Variants in COL6A3 observed in about 807,000 individuals in gnomAD.
COL6A3 encodes the protein collagen type VI alpha 3 chain.
In COL6A3, 137 loss-of-function variants were observed where a neutral mutation model predicts 274.1. The observed-to-expected ratio is 0.50, with a 90% confidence interval of 0.44 to 0.58. The LOEUF (loss-of-function observed/expected upper bound fraction) is 0.58, where lower values mean the gene tolerates loss of function less well. Ranked by LOEUF, COL6A3 falls within the 20% of genes least tolerant of loss-of-function variation. The pLI, the probability that COL6A3 is intolerant of heterozygous loss-of-function variation, is 0.00. For missense variants in COL6A3, 3,950 were observed against 4,124.9 expected (o/e 0.96, Z 1.16); for synonymous variants, 1,650 against 1,650.6 (o/e 1.00, Z 0.01).
intron 3 of COL6A3, among the ~76,000 whole-genome samples, chr2:237,393,127 A>G (rs1042980767): frequency 7.2e-5 from 11 of 152,134 alleles, no homozygotes; most frequent in Non-Finnish European, 1.0e-4. Context: ...GGATTTCCTT[A>G]CTGAGAAAAT....
intron 1 of COL6A3, among the ~76,000 whole-genome samples, chr2:237,401,915 G>A (rs1035332711): frequency 6.6e-6 from 1 of 151,994 alleles, no homozygotes; most frequent in African/African-American, 2.4e-5. Flanking sequence ...GAACTCCTGG[G>A]CTCAAGAGAT....
At chr2:237,380,433 G>T (rs1469564285) in intron 5 of COL6A3, among the ~76,000 whole-genome samples, 1 of 152,234 alleles carries the variant, frequency 6.6e-6, no homozygotes, top group Admixed American at 6.5e-5. Flanking sequence ...CTTTCCCATT[G>T]AGGGTAATCC....
intron 1 of COL6A3, among the ~76,000 whole-genome samples, chr2:237,411,480 C>T (rs939395854): frequency 6.6e-6 from 1 of 152,150 alleles, no homozygotes; most frequent in Non-Finnish European, 1.5e-5. Context: ...TCCAAAGCTT[C>T]CAAAGAAGGC....
chr2:237,328,445 T>C (rs1423523044), intron 42 of COL6A3: 1 of 151,732 alleles, frequency 6.6e-6, no homozygotes, highest in Non-Finnish European at 1.5e-5. Context: ...TGTGCAGGAG[T>C]GGATGTGCAT....
intron 38 of COL6A3, 24 bp from the exon 39 acceptor site, chr2:237,339,141 C>A: frequency 6.6e-7 from 1 of 1,507,290 alleles, no homozygotes; most frequent in South Asian, 1.1e-5. Context: ...ACAAAGAAAA[C>A]AATTGAACCG....
chr2:237,351,183 C>G lies in COL6A3; in HGVS notation c.6763G>C (p.Gly2255Arg). The G allele has an allele frequency of 6.2e-7, 1 of 1,614,186 alleles. No homozygotes were observed. Among genetic ancestry groups the G allele is most frequent in the South Asian group, 1.1e-5 (1 of 91,084 alleles). The change falls in exon 27 of 44, where the codon GGT (glycine) becomes CGT (arginine). Residue 2255 changes from glycine to arginine, a missense_variant. By Grantham distance (125) the Gly-to-Arg change is moderately radical. This residue lies in a region of COL6A3 where 1,284 missense variants were observed against 1,349.7 expected (regional missense o/e 0.95). Coordinates refer to ENST00000295550, the MANE Select transcript of COL6A3 (RefSeq NM_004369.4). Reference sequence around the variant, plus strand: ...CGTTCTCCAGGAGCACCAGCGGCACCTCCGCTTCCCTGGAGCAGGAGGGGA... The same window carrying G: ...CGTTCTCCAGGAGCACCAGCGGCACGTCCGCTTCCCTGGAGCAGGAGGGGA... ...QGISGPRGSGGAAGAPGERGR... is the reference protein window; with the variant it reads ...QGISGPRGSGRAAGAPGERGR...
rs1224324718 is a variant in COL6A3 at position 237,381,372 on chromosome 2, A to T, written c.1440T>A (p.Asp480Glu). 6.2e-7 allele frequency: 1 copy of T among 1,614,044 alleles called. No individual in the cohort carries two copies. Among genetic ancestry groups the T allele is most frequent in the African/African-American group, 1.3e-5 (1 of 74,926 alleles). The part of the protein sequence containing the change: ...KVIQRLEIGQ[D>E]LIQVAVAQYA... ...ACTGGGCCACTGCCACCTGGATAAG[A>T]TCCTGTCCGATTTCCAGCCTCTGGA... The change falls in exon 5 of 44, where the codon GAT (aspartate) becomes GAA (glutamate). Residue 480 changes from aspartate (D) to glutamate (E), a missense_variant. By Grantham distance (45) the Asp-to-Glu change is conservative. Transcript: ENST00000295550.
intron 1 of COL6A3, among the ~76,000 whole-genome samples, chr2:237,402,203 T>C (rs1014708416): frequency 1.1e-4 from 16 of 152,248 alleles, no homozygotes; most frequent in Admixed American, 1.3e-4. Context: ...GAACCTAGAA[T>C]GGTGTTGGCC....
rs61729839 is a variant in COL6A3 at position 237,368,736 on chromosome 2, C to T, written c.4727G>A (p.Arg1576Gln). ...SGIVSLGVGD[R>Q]NIDRTELQTI... ...CTGCAGCTCTGTTCTGTCGATGTTC[C>T]GGTCTCCTACCCCTAAACTCACAAT... Residue 1576 changes from arginine (R) to glutamine (Q), a missense_variant, in exon 10 of 44, where the codon CGG becomes CAG. Physicochemically the swap from Arg to Gln is conservative, Grantham distance 43 (BLOSUM62 1). Transcript: ENST00000295550. This position sits in a 1 kb window ranked among gnomAD's most constrained non-coding sequence, Gnocchi z 4.4. 24,897 of 1,614,182 alleles carry T rather than the reference C, an allele frequency of 0.015. 244 individuals carry two copies. Among genetic ancestry groups the T allele is most frequent in the Non-Finnish European group, 0.019 (22,569 of 1,180,024 alleles).
Position 237,394,686 on chromosome 2 carries a change from T to A in COL6A3, c.610A>T (p.Thr204Ser), listed in dbSNP as rs1446420299. 1 of 1,614,230 alleles carries A rather than the reference T, an allele frequency of 6.2e-7. No individual in the cohort carries two copies. The highest frequency in any genetic ancestry group is 1.3e-5 in the African/African-American group (1 of 75,066). The change falls in exon 3 of 44, where the codon ACC becomes TCC. Residue 204 changes from threonine (T) to serine (S), a missense_variant. Thr to Ser is a moderately conservative substitution (Grantham distance 58). This residue lies in a region of COL6A3 where 1,934 missense variants were observed against 1,984.3 expected (regional missense o/e 0.97). Transcript: ENST00000295550. The stretch of plus-strand genomic sequence containing the variant: ...TTTCCTACTATGTCATGAAGTGAGG[T>A]AAAATTCTCTAGGTTGAACATATGC... ...NMHMFNLENF[T>S]SLHDIVGNLV...
chr2:237,351,580 T>C (rs1237124921), intron 26 of COL6A3, among the ~76,000 whole-genome samples: 1 of 152,178 alleles, frequency 6.6e-6, no homozygotes, highest in Non-Finnish European at 1.5e-5. Flanking sequence ...TTAAAGCCTG[T>C]TAGGTGAATG....
At position 237,361,066 on chromosome 2, in the gene COL6A3, G is replaced by A. The variant is rs926236033; in HGVS notation, c.6210+55C>T. 8 of 1,391,164 alleles carry A rather than the reference G, an allele frequency of 5.8e-6. No individual in the cohort carries two copies. In the African/African-American group the frequency reaches 1.1e-4, roughly 20 times the overall value. The allele number at this position is 1,391,164 out of a possible 1,614,324, so 86.2% of individuals were successfully genotyped here. On this transcript the variant is annotated intron_variant, in intron 16 of 43. Coordinates refer to ENST00000295550, the MANE Select transcript of COL6A3 (RefSeq NM_004369.4). The surrounding 1 kb of genome is among the most constrained non-coding windows in gnomAD (Gnocchi z 5.1). The stretch of plus-strand genomic sequence containing the variant: ...ATGAAATCCACAATGCAATCCCAAT[G>A]GGTAAGGATCAAGGAGGGGGTGAAA...
chr2:237,337,234 A>G (rs995760572), intron 39 of COL6A3, among the ~76,000 whole-genome samples: 4 of 152,190 alleles, frequency 2.6e-5, no homozygotes, highest in Non-Finnish European at 5.9e-5. Context: ...TTTCAAGTTA[A>G]TATCATAAGA....
At chr2:237,360,967 C>A (rs1304558669) in intron 16 of COL6A3, among the ~76,000 whole-genome samples, 154 bp downstream of exon 16, 1 of 152,196 alleles carries the variant, frequency 6.6e-6, no homozygotes, top group African/African-American at 2.4e-5. Flanking sequence ...ACTTAGACAT[C>A]CAGGCAAAGT....
chr2:237,385,562 A>G (rs1487632066), intron 4 of COL6A3, among the ~76,000 whole-genome samples: 1 of 152,222 alleles, frequency 6.6e-6, no homozygotes, highest in African/African-American at 2.4e-5. Flanking sequence ...ACCCAAGACC[A>G]GAGACCAGCT....
rs1382526745 is a variant in COL6A3 at position 237,368,492 on chromosome 2, C to T, written c.4900+71G>A. ...AGAAGAAAATTATTAAAAATGACTA[C>T]TGATTACTTTTTTAACTAAAAAAAA... On this transcript the variant is annotated intron_variant, in intron 10 of 43. Transcript: ENST00000295550. This position sits in a 1 kb window ranked among gnomAD's most constrained non-coding sequence, Gnocchi z 4.4. 6.4e-7 allele frequency: 1 copy of T among 1,561,730 alleles called. No individual in the cohort carries two copies.
At chr2:237,334,174 G>A (rs549682174) in intron 41 of COL6A3, among the ~76,000 whole-genome samples, 2 of 152,278 alleles carry the variant, frequency 1.3e-5, no homozygotes, top group South Asian at 2.1e-4. Flanking sequence ...CTCAGCTATC[G>A]ACATCCTCCA....
At chr2:237,336,651 G>T in intron 39 of COL6A3, 119 bp from the exon 40 acceptor site, 3 of 1,009,912 alleles carry the variant, frequency 3.0e-6, no homozygotes, top group Non-Finnish European at 4.5e-6. Flanking sequence ...AGTTTTTATA[G>T]ATTATGTATA....
At position 237,378,977 on chromosome 2, in the gene COL6A3, G is replaced by A; in HGVS notation, c.2156C>T (p.Thr719Ile). ...LQLQGGSGLN[T>I]GSALSYVYAN... The stretch of plus-strand genomic sequence containing the variant: ...ATAGACATAGCTTAGGGCTGAGCCT[G>A]TGTTCAGGCCCGAACCTCCCTGGAG... Residue 719 changes from threonine (T) to isoleucine (I), a missense_variant, in exon 6 of 44, where the codon ACA becomes ATA. Physicochemically the swap from Thr to Ile is moderately conservative, Grantham distance 89. Transcript: ENST00000295550. 1.2e-6 allele frequency: 2 copies of A among 1,614,230 alleles called. No individual in the cohort carries two copies. The highest frequency in any genetic ancestry group is 1.7e-6 in the Non-Finnish European group (2 of 1,180,034).
Sources: gnomAD v4.1 joint callset for allele counts (sites outside exome capture counted in the v4.1 genomes callset) on GRCh38, gnomAD v4.1.1 for gene constraint, gnomAD v4.1.1 regional missense constraint, Gnocchi (gnomAD v3.1) non-coding constraint, MANE v1.5 for transcripts, NCBI Gene and HGNC (gene_info 2026-07-23, HGNC 2026-07-21) for gene names.